The following BMP8A variants were observed in gnomAD, a reference collection of about 807,000 sequenced individuals.
BMP8A encodes the protein BMP-8A.
Under a neutral mutation model 36.8 loss-of-function variants are expected in BMP8A, and 14 were observed. The observed-to-expected ratio is 0.38, with a 90% confidence interval of 0.25 to 0.60. The LOEUF is 0.60. Among genes scored for constraint, BMP8A ranks in the 20% least tolerant of loss-of-function variants. BMP8A has a pLI of 0.63. For missense variants in BMP8A, 267 were observed against 551.1 expected (o/e 0.48, Z 5.16); for synonymous variants, 120 against 237.7 (o/e 0.50, Z 4.55).
intron 1 of BMP8A, among the ~76,000 whole-genome samples, chr1:39,495,031 G>A (rs1219082916): frequency 1.3e-5 from 2 of 151,570 alleles, no homozygotes; most frequent in Non-Finnish European, 2.9e-5. Context: ...GGGTGGGTGG[G>A]GGGTGGATAG....
Position 39,527,179 on chromosome 1 carries a change from G to C in BMP8A, c.*1381G>C, listed in dbSNP as rs1645491504. 6.6e-6 allele frequency among the ~76,000 whole-genome samples: 1 copy of C among 152,212 alleles called. No individual in the cohort carries two copies. The highest frequency in any genetic ancestry group is 2.1e-4 in the South Asian group (1 of 4,828). On this transcript the variant is annotated 3_prime_UTR_variant, in exon 7 of 7. Coordinates refer to ENST00000331593, the MANE Select transcript of BMP8A (RefSeq NM_181809.4). Reference sequence around the variant, plus strand: ...CCACCAGCGCTGTCCTGTGTCTTGGGTCTGTGAGTCAAAGAAAAGGTCCCT... The same window carrying C: ...CCACCAGCGCTGTCCTGTGTCTTGGCTCTGTGAGTCAAAGAAAAGGTCCCT...
intron 1 of BMP8A, among the ~76,000 whole-genome samples, chr1:39,507,489 G>A (rs1054908823): frequency 6.6e-6 from 1 of 152,212 alleles, no homozygotes; most frequent in Non-Finnish European, 1.5e-5. Context: ...CCATTTCCCA[G>A]CATCAGACGG....
At position 39,529,252 on chromosome 1, in the gene BMP8A, C is replaced by T. The variant is rs1174189681; in HGVS notation, c.*3454C>T. On this transcript the variant is annotated 3_prime_UTR_variant, in exon 7 of 7. Coordinates refer to ENST00000331593, the MANE Select transcript of BMP8A (RefSeq NM_181809.4). ...CCTTGTGTGCCTTCCTCATAAAACC[C>T]ACTCCTCCCAGAATATGCTTAGAGG... is the stretch of plus-strand genomic sequence containing the variant. 1 of 152,270 alleles carries T rather than the reference C, an allele frequency of 6.6e-6. No homozygotes were observed. Among genetic ancestry groups the T allele is most frequent in the Admixed American group, 6.5e-5 (1 of 15,288 alleles). The allele number at this position is 152,270 out of a possible 1,614,324, so 9.4% of individuals were successfully genotyped here.
rs141712311 is a variant in BMP8A at position 39,491,695 on chromosome 1, C to T, written c.-297C>T. The T allele has an allele frequency of 7.3e-3, 1,168 of 160,502 alleles. 5 individuals are homozygous for T. Among genetic ancestry groups the T allele is most frequent in the Non-Finnish European group, 0.011 (852 of 74,166 alleles). The allele number at this position is 160,502 out of a possible 1,614,324, so 9.9% of individuals were successfully genotyped here. A position where few individuals can be genotyped will look rare whatever the true frequency, so the allele number is the denominator to read the frequency against. ...GCCCCTGCGCTGCGCGGACCGCAGC[C>T]ACAGCCGGACTGGTGGGAACGGCGG... On this transcript the variant is annotated 5_prime_UTR_variant, in exon 1 of 7. Transcript: ENST00000331593.
chr1:39,529,735 GTCTT>G lies in BMP8A; in HGVS notation c.*3943_*3946del, dbSNP rs1645516983. Among the ~76,000 whole-genome samples the G allele has an allele frequency of 6.6e-6, 1 of 152,146 alleles. No individual in the cohort carries two copies. Among genetic ancestry groups the G allele is most frequent in the African/African-American group, 2.4e-5 (1 of 41,424 alleles). Reference sequence around the variant, plus strand: ...CTTCTTACTTGGCACATATACATTTGTCTTTCTTTATATATGACATATGGATATT... The same window carrying G: ...CTTCTTACTTGGCACATATACATTTGTCTTTATATATGACATATGGATATT... On this transcript the variant is annotated 3_prime_UTR_variant, in exon 7 of 7. Transcript: ENST00000331593.
rs2889740 is a variant in BMP8A, at chr1:39,523,087, C to T, written c.1029C>T (p.Asn343=). The T allele has an allele frequency of 2.0e-4, 316 of 1,613,822 alleles. No homozygotes were observed. Among genetic ancestry groups the T allele is most frequent in the Non-Finnish European group, 2.3e-4 (272 of 1,179,902 alleles). Reference sequence around the variant, plus strand: ...CCTTCCCGCTGGACTCCTGCATGAACGCCACCAACCACGCCATCCTGCAGT... The same window carrying T: ...CCTTCCCGCTGGACTCCTGCATGAATGCCACCAACCACGCCATCCTGCAGT... The part of the protein sequence containing the change: ...ECSFPLDSCM[N]ATNHAILQSL... The change falls in exon 6 of 7, where the codon AAC becomes AAT. Residue 343 remains asparagine (N), a synonymous_variant. Coordinates refer to ENST00000331593, the MANE Select transcript of BMP8A (RefSeq NM_181809.4).
intron 1 of BMP8A, among the ~76,000 whole-genome samples, chr1:39,499,381 T>C (rs943410455): frequency 3.9e-5 from 6 of 152,356 alleles, no homozygotes; most frequent in African/African-American, 1.4e-4. Context: ...GGGGAGGGTC[T>C]GAGGGGAGAT....
intron 1 of BMP8A, among the ~76,000 whole-genome samples, chr1:39,509,025 C>T (rs939355644): frequency 1.3e-5 from 2 of 152,304 alleles, no homozygotes; most frequent in Non-Finnish European, 2.9e-5. Flanking sequence ...GGCCACAGCA[C>T]GGGCGTCCCC....
chr1:39,526,193 A>G lies in BMP8A; in HGVS notation c.*395A>G, dbSNP rs564221085. Among the ~76,000 whole-genome samples, 11 of 152,188 alleles carry G rather than the reference A, an allele frequency of 7.2e-5. No homozygotes were observed. The highest frequency in any genetic ancestry group is 9.7e-5 in the African/African-American group (4 of 41,436). ...GAGGAGAAGGGCTCTGCCTCTTCCC[A>G]GGTACAACACTGGCCATTTCTGGGC... is the stretch of plus-strand genomic sequence containing the variant. On this transcript the variant is annotated 3_prime_UTR_variant, in exon 7 of 7. Transcript: ENST00000331593.
At chr1:39,517,865 G>C (rs1645405186) in intron 3 of BMP8A, among the ~76,000 whole-genome samples, 1 of 152,396 alleles carries the variant, frequency 6.6e-6, no homozygotes, top group East Asian at 1.9e-4. Context: ...ATCTGTGTGT[G>C]GCCAAAGGCT....
intron 6 of BMP8A, chr1:39,523,768 C>A (rs548720881): frequency 1.7e-6 from 2 of 1,173,540 alleles, no homozygotes; most frequent in East Asian, 3.3e-5. Flanking sequence ...TGTGTGTTTG[C>A]GGATTCTGGC....
intron 1 of BMP8A, among the ~76,000 whole-genome samples, chr1:39,504,960 T>C (rs1444280128): frequency 1.3e-4 from 20 of 152,212 alleles, no homozygotes; most frequent in Admixed American, 1.3e-3. Flanking sequence ...AACATCTCAA[T>C]GCAGTAAAGA....
intron 6 of BMP8A, 45 bp downstream of exon 6, chr1:39,523,162 C>T (rs1645446643): frequency 1.9e-6 from 3 of 1,602,760 alleles, no homozygotes; most frequent in Non-Finnish European, 2.6e-6. Context: ...GGTGGGAGGC[C>T]CTGCAGAGAG....
chr1:39,498,646 C>T (rs865946078), intron 1 of BMP8A, among the ~76,000 whole-genome samples: 1 of 152,146 alleles, frequency 6.6e-6, no homozygotes, highest in Non-Finnish European at 1.5e-5. Context: ...CCCTTCAGGA[C>T]GCAGAACCAA....
At position 39,492,274 on chromosome 1, in the gene BMP8A, G is replaced by T. The variant is rs200655657; in HGVS notation, c.283G>T (p.Ala95Ser). The T allele has an allele frequency of 3.5e-5, 55 of 1,562,466 alleles. No homozygotes were observed. The highest frequency in any genetic ancestry group is 4.5e-5 in the Non-Finnish European group (53 of 1,165,170). Reference sequence around the variant, plus strand: ...CGACGACGACGAGGACGGCGCGCCCGCGGAGCAGCGCCTGGGCCGCGCCGA... The same window carrying T: ...CGACGACGACGAGGACGGCGCGCCCTCGGAGCAGCGCCTGGGCCGCGCCGA... Reference protein sequence around the residue: ...AGDDDEDGAPAEQRLGRADLV... With the variant: ...AGDDDEDGAPSEQRLGRADLV... The change falls in exon 1 of 7, where the codon GCG (alanine) becomes TCG (serine). Residue 95 changes from alanine to serine, a missense_variant. Coordinates refer to ENST00000331593, the MANE Select transcript of BMP8A (RefSeq NM_181809.4).
At position 39,492,103 on chromosome 1, in the gene BMP8A, G is replaced by C; in HGVS notation, c.112G>C (p.Ala38Pro). ...PPGCPQRRLG[A>P]RERRDVQREI... ...CGGCTGTCCCCAGCGACGTCTGGGC[G>C]CGCGCGAGCGCCGGGACGTGCAGCG... The change falls in exon 1 of 7, where the codon GCG becomes CCG. Residue 38 changes from alanine (A) to proline (P), a missense_variant. Physicochemically the swap from Ala to Pro is conservative, Grantham distance 27 (BLOSUM62 -1). This residue lies in a region of BMP8A where 56 missense variants were observed against 74.1 expected (regional missense o/e 0.76). Transcript: ENST00000331593. The C allele has an allele frequency of 3.4e-6, 4 of 1,174,654 alleles. No homozygotes were observed. The highest frequency in any genetic ancestry group is 4.2e-6 in the Non-Finnish European group (4 of 953,772). The allele number at this position is 1,174,654 out of a possible 1,614,324, so 72.8% of individuals were successfully genotyped here.
chr1:39,523,165 G>A (rs377596697), intron 6 of BMP8A, 48 bp downstream of exon 6: 3 of 1,598,390 alleles, frequency 1.9e-6, no homozygotes, highest in Non-Finnish European at 2.6e-6. Flanking sequence ...GGGAGGCCCT[G>A]CAGAGAGGGG....
At chr1:39,495,446 T>G (rs1207322781) in intron 1 of BMP8A, among the ~76,000 whole-genome samples, 2 of 147,230 alleles carry the variant, frequency 1.4e-5, no homozygotes, top group Non-Finnish European at 3.0e-5. Context: ...TGGGCTCTCT[T>G]GGGCAGGACA....
Sources: allele counts gnomAD v4.1 joint callset (sites outside exome capture counted in the v4.1 genomes callset), GRCh38; gene constraint gnomAD v4.1.1; regional missense constraint gnomAD v4.1.1; transcripts MANE v1.5; gene names NCBI Gene and HGNC (gene_info 2026-07-23, HGNC 2026-07-21).